FOXN1: variants seen among roughly 807,000 people sequenced by gnomAD.
FOXN1 encodes forkhead box N1, also known as forkhead box protein N1.
A neutral mutation model predicts 49.0 loss-of-function variants in FOXN1; 15 were observed. The observed-to-expected ratio is 0.31, with a 90% CI of 0.20 to 0.47. The LOEUF (loss-of-function observed/expected upper bound fraction) is 0.47. Among genes scored for constraint, FOXN1 ranks in the 20% least tolerant of loss-of-function variants. The pLI is 1.00. For missense variants in FOXN1, 800 were observed against 842.8 expected, an observed-to-expected ratio of 0.95 and a Z score of 0.63; for synonymous variants, 356 against 369.0, an observed-to-expected ratio of 0.96 and a Z score of 0.40.
At chr17:28,533,340 G>A (rs116271145) in intron 6 of FOXN1, among the ~76,000 whole-genome samples, 3,447 of 152,182 alleles carry the variant, frequency 0.023, 116 homozygotes, top group African/African-American at 0.076. Context: ...GGAGGTGGGC[G>A]GGCAGGGGGC....
At position 28,534,857 on chromosome 17, in the gene FOXN1, C is replaced by T. The variant is rs769742205; in HGVS notation, c.1286C>T (p.Ala429Val). 1.1e-5 allele frequency: 17 copies of T among 1,613,918 alleles called. No homozygotes were observed. Among genetic ancestry groups the T allele is most frequent in the Middle Eastern group, 3.3e-4 (2 of 6,084 alleles). ...CCACCACTGCACTCACTCCACCCAGCTCCAGGCCCCATTCCTGGCAAGAAC... is the reference window on the plus strand; with the variant it reads ...CCACCACTGCACTCACTCCACCCAGTTCCAGGCCCCATTCCTGGCAAGAAC... ...LSPPLHSLHP[A>V]PGPIPGKNPL... Residue 429 changes from alanine to valine, a missense_variant, in exon 8 of 9, where the codon GCT becomes GTT. Transcript: ENST00000579795. This position sits in a 1 kb window ranked among gnomAD's most constrained non-coding sequence, Gnocchi z 4.1.
chr17:28,515,615 G>A (rs1199219770), intron 1 of FOXN1, among the ~76,000 whole-genome samples: 2 of 150,802 alleles, frequency 1.3e-5, no homozygotes, highest in Non-Finnish European at 3.0e-5. Flanking sequence ...CATCTCCACA[G>A]GTGTACACCC....
At chr17:28,508,622 A>G (rs1206607607) in intron 1 of FOXN1, among the ~76,000 whole-genome samples, 1 of 152,172 alleles carries the variant, frequency 6.6e-6, no homozygotes, top group African/African-American at 2.4e-5. Flanking sequence ...CACAGGGCCC[A>G]GGCACATAGG....
rs1288380855 is a variant in FOXN1, at chr17:28,538,467, C to T, written c.*1031C>T. 6.6e-6 allele frequency: 1 copy of T among 152,156 alleles called. No individual in the cohort carries two copies. Among genetic ancestry groups the T allele is most frequent in the Non-Finnish European group, 1.5e-5 (1 of 68,046 alleles). The allele number at this position is 152,156 out of a possible 1,614,324, so 9.4% of individuals were successfully genotyped here. A position where few individuals can be genotyped will look rare whatever the true frequency, so the allele number is the denominator to read the frequency against. ...TAAACCCATTGTAAATTGAAACCAC[C>T]GAAAGTCAAAAACCACTTTCGACTT... On this transcript the variant is annotated 3_prime_UTR_variant, in exon 9 of 9. Transcript: ENST00000579795.
chr17:28,530,887 T>C, intron 6 of FOXN1, 42 bp downstream of exon 6: 1 of 1,128,806 alleles, frequency 8.9e-7, no homozygotes, highest in Non-Finnish European at 1.4e-6. Context: ...CCCCAAGTCC[T>C]GGACAGGCCA....
intron 6 of FOXN1, among the ~76,000 whole-genome samples, chr17:28,533,809 C>A (rs868687058): frequency 3.9e-5 from 6 of 152,222 alleles, no homozygotes; most frequent in Non-Finnish European, 7.3e-5. Context: ...CACTCACCAA[C>A]CTCGCCCATC....
chr17:28,513,850 C>T (rs1007053267), intron 1 of FOXN1, among the ~76,000 whole-genome samples: 23 of 152,124 alleles, frequency 1.5e-4, no homozygotes, highest in East Asian at 3.9e-4. Flanking sequence ...GCTGGAGAGA[C>T]GGGAAGGTGC....
At chr17:28,530,010 TC>T (rs2069870796) in intron 5 of FOXN1, among the ~76,000 whole-genome samples, 2 of 138,268 alleles carry the variant, frequency 1.4e-5, no homozygotes, top group African/African-American at 5.8e-5. Flanking sequence ...TATTTATTCC[TC>T]TTTAAAAAAA....
Position 28,530,770 on chromosome 17 carries a change from T to C in FOXN1, c.852T>C (p.Leu284=), listed in dbSNP as rs12449554. ...TCAGCATCCTCATCTTCATGGCCCT[T>C]AAGAACAGTAAAACTGGGAGCCTTC... The part of the protein sequence containing the change: ...YSYSILIFMA[L]KNSKTGSLPV... The change falls in exon 6 of 9, where the codon CTT becomes CTC. Residue 284 remains leucine, a synonymous_variant. Coordinates refer to ENST00000579795, the MANE Select transcript of FOXN1 (RefSeq NM_001369369.1). 0.091 allele frequency: 145,237 copies of C among 1,603,446 alleles called. 8,409 individuals are homozygous for C. Among genetic ancestry groups the C allele is most frequent in the East Asian group, 0.25 (10,994 of 44,796 alleles).
At chr17:28,510,430 G>A (rs372823121) in intron 1 of FOXN1, among the ~76,000 whole-genome samples, 2 of 149,720 alleles carry the variant, frequency 1.3e-5, no homozygotes, top group African/African-American at 2.5e-5. Flanking sequence ...AGAATGGGGT[G>A]CATCCCTGGA....
Position 28,535,058 on chromosome 17 carries a change from A to G in FOXN1, c.1487A>G (p.His496Arg). 1 of 1,610,516 alleles carries G rather than the reference A, an allele frequency of 6.2e-7. No individual in the cohort carries two copies. Among genetic ancestry groups the G allele is most frequent in the Non-Finnish European group, 8.5e-7 (1 of 1,177,620 alleles). The change falls in exon 8 of 9, where the codon CAC (histidine) becomes CGC (arginine). Residue 496 changes from histidine to arginine, a missense_variant. His to Arg is a conservative substitution (Grantham distance 29). This residue lies in a region of FOXN1 where 344 missense variants were observed against 366.1 expected (regional missense o/e 0.94). Coordinates refer to ENST00000579795, the MANE Select transcript of FOXN1 (RefSeq NM_001369369.1). ...CCCCAGGACTCGCCTCTGCCTGCCC[A>G]CACCCCACCCAGCCACAGTGCCAAG... ...GTPQDSPLPAHTPPSHSAKLL... is the reference protein window; with the variant it reads ...GTPQDSPLPARTPPSHSAKLL...
intron 1 of FOXN1, among the ~76,000 whole-genome samples, chr17:28,516,799 C>T (rs2069515822): frequency 1.1e-5 from 1 of 90,498 alleles, no homozygotes; most frequent in Non-Finnish European, 2.6e-5. Flanking sequence ...TACACATCTC[C>T]ACAGGGTACA....
At chr17:28,521,463 A>G (rs942864517) in intron 1 of FOXN1, among the ~76,000 whole-genome samples, 1 of 152,224 alleles carries the variant, frequency 6.6e-6, no homozygotes, top group Non-Finnish European at 1.5e-5. Flanking sequence ...CGAGCTCTCC[A>G]GGAGGAGCTG....
intron 6 of FOXN1, among the ~76,000 whole-genome samples, chr17:28,533,475 T>C (rs2151496559): frequency 7.1e-6 from 1 of 140,094 alleles, no homozygotes; most frequent in African/African-American, 2.9e-5. Context: ...TTTATTCTAT[T>C]GGCACGAGCA....
chr17:28,536,068 A>G (rs1036898548), intron 8 of FOXN1, among the ~76,000 whole-genome samples: 8 of 151,792 alleles, frequency 5.3e-5, no homozygotes, highest in Non-Finnish European at 1.0e-4. Context: ...AGGCCCTGAT[A>G]CTGGCCACAG....
Position 28,524,802 on chromosome 17 carries a change from C to G in FOXN1, c.423C>G (p.Thr141=). 1 of 1,613,692 alleles carries G rather than the reference C, an allele frequency of 6.2e-7. No individual in the cohort carries two copies. Residue 141 remains threonine (T), a synonymous_variant, in exon 3 of 9, where the codon ACC becomes ACG. Transcript: ENST00000579795. ...HEDVFPEAET[T]LALKGHSFKT... ...ACGTCTTCCCAGAGGCCGAGACCAC[C>G]CTGGCCCTCAAAGGACACTCCTTTA...
intron 1 of FOXN1, among the ~76,000 whole-genome samples, chr17:28,511,277 G>A (rs1243872731): frequency 6.6e-6 from 1 of 152,196 alleles, no homozygotes; most frequent in Non-Finnish European, 1.5e-5. Flanking sequence ...ATTATTAGTA[G>A]TGGTGGCAGA....
chr17:28,507,063 C>A (rs1314603002), intron 1 of FOXN1, among the ~76,000 whole-genome samples: 3 of 152,188 alleles, frequency 2.0e-5, no homozygotes, highest in African/African-American at 7.2e-5. Flanking sequence ...GGGCTTAGGG[C>A]AGAGTCGCCT....
At chr17:28,510,198 T>C (rs1309022244) in intron 1 of FOXN1, among the ~76,000 whole-genome samples, 1 of 151,962 alleles carries the variant, frequency 6.6e-6, no homozygotes, top group East Asian at 1.9e-4. Flanking sequence ...CAGCTCCAAA[T>C]CCTGCCCTCA....
Sources: allele counts gnomAD v4.1 joint callset (sites outside exome capture counted in the v4.1 genomes callset), GRCh38; gene constraint gnomAD v4.1.1; regional missense constraint gnomAD v4.1.1; non-coding constraint Gnocchi (gnomAD v3.1); transcripts MANE v1.5; gene names NCBI Gene and HGNC (gene_info 2026-07-23, HGNC 2026-07-21).